PIGK: variants seen among roughly 807,000 people sequenced by gnomAD.
PIGK encodes the protein phosphatidylinositol glycan anchor biosynthesis class K.
PIGK carries 42 observed loss-of-function variants against 50.6 expected under a neutral mutation model. The observed-to-expected ratio is 0.83, with a 90% CI of 0.65 to 1.07. The LOEUF (loss-of-function observed/expected upper bound fraction) is 1.07, where lower values mean the gene tolerates loss of function less well. Ranked by LOEUF, PIGK falls within the 50% of genes least tolerant of loss-of-function variation. The pLI is 0.00. For missense variants in PIGK, 448 were observed against 488.7 expected (o/e 0.92, Z 0.78); for synonymous variants, 151 against 156.0 (o/e 0.97, Z 0.24).
chr1:77,116,701 G>A (rs765333523), intron 10 of PIGK, among the ~76,000 whole-genome samples: 1 of 151,928 alleles, frequency 6.6e-6, no homozygotes, highest in Non-Finnish European at 1.5e-5. Context: ...CAAGAACAGA[G>A]AGACTCCTGG....
At chr1:77,164,839 T>C (rs1369472984) in intron 5 of PIGK, among the ~76,000 whole-genome samples, 1 of 152,106 alleles carries the variant, frequency 6.6e-6, no homozygotes, top group Non-Finnish European at 1.5e-5. Context: ...TGAAATGAGT[T>C]AATAGCCACA....
intron 10 of PIGK, among the ~76,000 whole-genome samples, chr1:77,100,030 C>T (rs989908619): frequency 6.6e-6 from 1 of 152,092 alleles, no homozygotes; most frequent in Admixed American, 6.5e-5. Context: ...CTTCCAATTG[C>T]GAATAGTACT....
At chr1:77,157,495 C>T (rs1655034300) in intron 8 of PIGK, among the ~76,000 whole-genome samples, 1 of 152,104 alleles carries the variant, frequency 6.6e-6, no homozygotes, top group Admixed American at 6.6e-5. Context: ...TATATTTAAA[C>T]TTTCGAGATA....
chr1:77,098,437 T>C (rs886716027), intron 10 of PIGK, among the ~76,000 whole-genome samples: 9 of 151,894 alleles, frequency 5.9e-5, no homozygotes, highest in Non-Finnish European at 1.2e-4. Flanking sequence ...GTTCAAGTGA[T>C]CCTCCTGCCT....
intron 6 of PIGK, among the ~76,000 whole-genome samples, chr1:77,161,921 A>G (rs1241297992): frequency 1.3e-5 from 2 of 152,170 alleles, no homozygotes; most frequent in African/African-American, 4.8e-5. Flanking sequence ...TATTGTGCCC[A>G]AGGTGGCTGC....
intron 3 of PIGK, among the ~76,000 whole-genome samples, chr1:77,195,633 T>C (rs1656016546): frequency 6.6e-6 from 1 of 152,162 alleles, no homozygotes; most frequent in Non-Finnish European, 1.5e-5. Flanking sequence ...CTAATGTGAC[T>C]AGTTATTCTG....
chr1:77,172,033 G>A (rs1169076025), intron 3 of PIGK, among the ~76,000 whole-genome samples: 4 of 143,692 alleles, frequency 2.8e-5, no homozygotes, highest in African/African-American at 1.0e-4. Context: ...CTGCTGCTGT[G>A]TTTAACAGAA....
rs1653265242 is a variant in PIGK at position 77,090,216 on chromosome 1, G to A, written c.*2158C>T. The stretch of plus-strand genomic sequence containing the variant: ...GTGACTCAAGTAGAATATATTTAAG[G>A]ATTTGTTTTTATGATACTGTTTAAA... On this transcript the variant is annotated 3_prime_UTR_variant, in exon 11 of 11. Transcript: ENST00000370812. 2 of 152,276 alleles carry A rather than the reference G, an allele frequency of 1.3e-5. No homozygotes were observed. Among genetic ancestry groups the A allele is most frequent in the Admixed American group, 1.3e-4 (2 of 15,294 alleles). The allele number at this position is 152,276 out of a possible 1,614,324, so 9.4% of individuals were successfully genotyped here.
chr1:77,093,635 C>T (rs1008799790), intron 10 of PIGK, among the ~76,000 whole-genome samples: 1 of 152,058 alleles, frequency 6.6e-6, no homozygotes, highest in Non-Finnish European at 1.5e-5. Context: ...TATAAACTGA[C>T]CTACCAACGT....
chr1:77,210,397 TA>T (rs1309108616), intron 2 of PIGK, 38 bp downstream of exon 2: 1 of 1,276,410 alleles, frequency 7.8e-7, no homozygotes, highest in Non-Finnish European at 1.1e-6. Flanking sequence ...GATACATATC[TA>T]ATGTGAACAG....
chr1:77,179,433 G>A (rs1175592871), intron 3 of PIGK, among the ~76,000 whole-genome samples: 1 of 152,140 alleles, frequency 6.6e-6, no homozygotes, highest in East Asian at 1.9e-4. Flanking sequence ...CCTAATTTAG[G>A]AGTATGCTCC....
chr1:77,140,701 C>CA (rs529182798), intron 9 of PIGK, among the ~76,000 whole-genome samples: 6 of 151,240 alleles, frequency 4.0e-5, no homozygotes, highest in South Asian at 2.1e-4. Flanking sequence ...AAAAACAAAA[C>CA]AAAAAAAACC....
intron 3 of PIGK, among the ~76,000 whole-genome samples, chr1:77,192,125 A>T (rs1309249381): frequency 6.6e-6 from 1 of 151,362 alleles, no homozygotes; most frequent in Non-Finnish European, 1.5e-5. Flanking sequence ...ACAGAGCAGG[A>T]CCCTGTCTCA....
At chr1:77,208,934 G>A (rs1015180717) in intron 2 of PIGK, among the ~76,000 whole-genome samples, 1 of 152,122 alleles carries the variant, frequency 6.6e-6, no homozygotes, top group Non-Finnish European at 1.5e-5. Flanking sequence ...GCGTCAGTAA[G>A]TTAATTATAG....
At chr1:77,134,345 G>T (rs912662821) in intron 9 of PIGK, among the ~76,000 whole-genome samples, 2 of 152,188 alleles carry the variant, frequency 1.3e-5, no homozygotes, top group Non-Finnish European at 1.5e-5. Flanking sequence ...CATAGCTCTG[G>T]TTATCAGATG....
chr1:77,096,845 A>G (rs888330117), intron 10 of PIGK, among the ~76,000 whole-genome samples: 1 of 151,254 alleles, frequency 6.6e-6, no homozygotes, highest in African/African-American at 2.4e-5. Flanking sequence ...AAAACAGAAA[A>G]AGTTCCCATC....
At chr1:77,191,862 C>T (rs1216888706) in intron 3 of PIGK, among the ~76,000 whole-genome samples, 1 of 152,158 alleles carries the variant, frequency 6.6e-6, no homozygotes, top group Non-Finnish European at 1.5e-5. Context: ...CCTGTCTCTA[C>T]AAAAAATACA....
In PIGK at chr1:77,188,253, C is replaced by T. The variant is rs190337536; in HGVS notation, c.239+18387G>A. ...TTTCAAAAGCAAATGGGAGAAATAT[C>T]GCTGAATTCTTTTTCTCAGCATGGA... On this transcript the variant is annotated intron_variant, in intron 3 of 10. Transcript: ENST00000370812. Among the ~76,000 whole-genome samples, 1,093 of 152,086 alleles carry T rather than the reference C, an allele frequency of 7.2e-3. 13 individuals carry two copies. The highest frequency in any genetic ancestry group is 0.024 in the African/African-American group (1,005 of 41,494).
At chr1:77,126,083 G>C (rs962805058) in intron 9 of PIGK, among the ~76,000 whole-genome samples, 30 of 152,230 alleles carry the variant, frequency 2.0e-4, no homozygotes, top group African/African-American at 7.0e-4. Context: ...TCAACTGTGA[G>C]TTTTTGAATG....
Sources: allele counts gnomAD v4.1 joint callset (sites outside exome capture counted in the v4.1 genomes callset), GRCh38; gene constraint gnomAD v4.1.1; transcripts MANE v1.5; gene names NCBI Gene and HGNC (gene_info 2026-07-23, HGNC 2026-07-21).